GPATCH2: variants seen among roughly 807,000 people sequenced by gnomAD.
GPATCH2 encodes the protein G-patch domain containing 2.
A neutral mutation model predicts 58.0 loss-of-function variants in GPATCH2; 51 were observed. That is an observed-to-expected ratio of 0.88 (90% CI 0.70 to 1.11). GPATCH2 has a LOEUF of 1.11. Ranked by LOEUF, GPATCH2 falls within the 50% of genes most tolerant of loss-of-function variation. The pLI is 0.00. For missense variants in GPATCH2, 625 were observed against 652.2 expected, an observed-to-expected ratio of 0.96 and a Z score of 0.45; for synonymous variants, 222 against 218.5, an observed-to-expected ratio of 1.02 and a Z score of -0.14.
intron 5 of GPATCH2, among the ~76,000 whole-genome samples, chr1:217,588,127 ACT>A (rs1667428124): frequency 1.3e-5 from 2 of 151,998 alleles, no homozygotes; most frequent in African/African-American, 4.8e-5. Flanking sequence ...GTTGGTGAAG[ACT>A]CTATCTTCAA....
rs6681933 is a variant in GPATCH2, at chr1:217,465,702, G to A, written c.1278-16365C>T. ...TGATTGTGAGACCTTCCCCAGCCATGTGGAACTGTAAATCCAATTAAATCT... is the reference window on the plus strand; with the variant it reads ...TGATTGTGAGACCTTCCCCAGCCATATGGAACTGTAAATCCAATTAAATCT... On this transcript the variant is annotated intron_variant, in intron 8 of 9. Transcript: ENST00000366935. Among the ~76,000 whole-genome samples the A allele has an allele frequency of 7.4e-3, 1,130 of 152,312 alleles. 9 individuals are homozygous for A. The highest frequency in any genetic ancestry group is 0.025 in the African/African-American group (1,032 of 41,564).
At chr1:217,538,698 T>C (rs1335588694) in intron 5 of GPATCH2, among the ~76,000 whole-genome samples, 1 of 152,208 alleles carries the variant, frequency 6.6e-6, no homozygotes, top group East Asian at 1.9e-4. Context: ...GCAGAAGAGC[T>C]GAACCTTAAT....
intron 8 of GPATCH2, among the ~76,000 whole-genome samples, chr1:217,460,216 G>T (rs1660143207): frequency 6.6e-6 from 1 of 152,092 alleles, no homozygotes; most frequent in African/African-American, 2.4e-5. Flanking sequence ...AAGATCCCAT[G>T]AACAGAAAGT....
intron 8 of GPATCH2, among the ~76,000 whole-genome samples, chr1:217,467,234 C>T (rs931153103): frequency 5.9e-5 from 9 of 152,072 alleles, no homozygotes; most frequent in South Asian, 2.1e-4. Context: ...CAGGTAGAAG[C>T]GAGACTTCTT....
At chr1:217,515,079 C>G (rs1317538407) in intron 5 of GPATCH2, among the ~76,000 whole-genome samples, 190 bp from the exon 6 acceptor site, 3 of 151,608 alleles carry the variant, frequency 2.0e-5, no homozygotes, top group Admixed American at 6.6e-5. Flanking sequence ...TTGTTTTGGT[C>G]TAGTGTATTT....
At chr1:217,437,801 G>A (rs1558391438) in intron 9 of GPATCH2, among the ~76,000 whole-genome samples, 1 of 152,200 alleles carries the variant, frequency 6.6e-6, no homozygotes, top group African/African-American at 2.4e-5. Flanking sequence ...GTGGCTGTGG[G>A]CACAGCTTCA....
intron 5 of GPATCH2, among the ~76,000 whole-genome samples, chr1:217,600,584 T>G (rs1668061201): frequency 1.3e-5 from 2 of 152,220 alleles, no homozygotes; most frequent in Admixed American, 1.3e-4. Flanking sequence ...AATAATTGTA[T>G]CAGAAACATA....
chr1:217,489,905 T>C (rs536111728), intron 8 of GPATCH2, among the ~76,000 whole-genome samples: 126 of 150,474 alleles, frequency 8.4e-4, no homozygotes, highest in African/African-American at 3.1e-3. Flanking sequence ...ATTAAAGAAA[T>C]TTTTTTTAAA....
In GPATCH2 at chr1:217,498,343, C is replaced by A. The variant is rs947412724; in HGVS notation, c.1206+13G>T. On this transcript the variant is annotated intron_variant, in intron 7 of 9. Transcript: ENST00000366935. ...GGCTGAGTAACTTCCTTTTGGATTA[C>A]AATGGTCCTTACCTGGTCATGCTCT... 88 of 1,603,878 alleles carry A rather than the reference C, an allele frequency of 5.5e-5. No individual in the cohort carries two copies. The highest frequency in any genetic ancestry group is 7.4e-5 in the Non-Finnish European group (87 of 1,170,756).
intron 5 of GPATCH2, among the ~76,000 whole-genome samples, chr1:217,524,916 A>G (rs1397876956): frequency 1.4e-3 from 1 of 730 alleles, no homozygotes; most frequent in African/African-American, 5.9e-3. Flanking sequence ...GGGGAGGGGG[A>G]GGGGGGAGAG....
intron 5 of GPATCH2, among the ~76,000 whole-genome samples, chr1:217,537,320 C>G (rs1271901211): frequency 6.6e-6 from 1 of 152,142 alleles, no homozygotes; most frequent in Non-Finnish European, 1.5e-5. Flanking sequence ...AATTAATAAA[C>G]TTCGTATCTG....
chr1:217,476,887 A>T (rs1485495450), intron 8 of GPATCH2, among the ~76,000 whole-genome samples: 2 of 152,080 alleles, frequency 1.3e-5, no homozygotes, highest in Non-Finnish European at 2.9e-5. Flanking sequence ...ACATACTGAG[A>T]CACTAGCGGG....
intron 5 of GPATCH2, among the ~76,000 whole-genome samples, chr1:217,586,973 G>A (rs1571968688): frequency 6.6e-6 from 1 of 152,274 alleles, no homozygotes; most frequent in South Asian, 2.1e-4. Context: ...TAAAATTCTT[G>A]ATAGTAGTTA....
intron 2 of GPATCH2, among the ~76,000 whole-genome samples, chr1:217,615,460 G>T (rs1668839565): frequency 6.6e-6 from 1 of 151,906 alleles, no homozygotes; most frequent in Non-Finnish European, 1.5e-5. Context: ...AAATATATAT[G>T]CTCTTCTATG....
chr1:217,452,888 C>A (rs12029392), intron 8 of GPATCH2, among the ~76,000 whole-genome samples: 3 of 152,162 alleles, frequency 2.0e-5, no homozygotes, highest in Non-Finnish European at 2.9e-5. Flanking sequence ...TTCAGTAATT[C>A]TATCAAGAAT....
chr1:217,489,390 A>G (rs1048396055), intron 8 of GPATCH2, among the ~76,000 whole-genome samples: 15 of 148,644 alleles, frequency 1.0e-4, no homozygotes, highest in African/African-American at 3.7e-4. Context: ...TCAAGTATCA[A>G]ATGCTTAACT....
intron 2 of GPATCH2, among the ~76,000 whole-genome samples, chr1:217,619,233 ATT>A (rs940190205): frequency 6.8e-6 from 1 of 148,086 alleles, no homozygotes; most frequent in African/African-American, 2.4e-5. Flanking sequence ...CCACAGGACC[ATT>A]GTTTTTCCTA....
chr1:217,575,281 G>T (rs557587307), intron 5 of GPATCH2, among the ~76,000 whole-genome samples: 1 of 152,160 alleles, frequency 6.6e-6, no homozygotes, highest in East Asian at 1.9e-4. Context: ...GAAAAAGCTG[G>T]AAACTGTTAG....
intron 5 of GPATCH2, among the ~76,000 whole-genome samples, chr1:217,546,498 C>G (rs909483529): frequency 6.6e-6 from 1 of 152,170 alleles, no homozygotes; most frequent in South Asian, 2.1e-4. Context: ...CAGACAGAAA[C>G]AAGCAATGGT....
Sources: gnomAD v4.1 joint callset for allele counts (sites outside exome capture counted in the v4.1 genomes callset) on GRCh38, gnomAD v4.1.1 for gene constraint, MANE v1.5 for transcripts, NCBI Gene and HGNC (gene_info 2026-07-23, HGNC 2026-07-21) for gene names.